CMIP: variants seen among roughly 807,000 people sequenced by gnomAD.
CMIP encodes the protein c-Maf inducing protein.
A neutral mutation model predicts 97.3 loss-of-function variants in CMIP; 13 were observed. That is an observed-to-expected ratio of 0.13 (90% confidence interval 0.09 to 0.21). CMIP has a LOEUF of 0.21. Ranked by LOEUF, CMIP falls within the 10% of genes least tolerant of loss-of-function variation. The probability of loss-of-function intolerance (pLI) is 1.00; values close to 1 mark genes in which losing one functional copy is unlikely to be tolerated. For synonymous variants in CMIP, 538 were observed against 436.3 expected (o/e 1.23, Z -2.91); for missense variants, 847 against 1,024.9 (o/e 0.83, Z 2.37).
Position 81,445,208 on chromosome 16 carries a change from C to G in CMIP, c.-34C>G. 1 of 1,432,498 alleles carries G rather than the reference C, an allele frequency of 7.0e-7. No individual in the cohort carries two copies. The highest frequency in any genetic ancestry group is 9.3e-7 in the Non-Finnish European group (1 of 1,080,286). 88.7% of individuals were successfully genotyped at this position (1,432,498 alleles called of 1,614,324 possible). A position where few individuals can be genotyped will look rare whatever the true frequency, so the allele number is the denominator to read the frequency against. ...CCCCAGCAGCCCAGGACAGCCCCCT[C>G]TCCCCGCCCCCAGCCCCCTCCCCCG... On this transcript the variant is annotated 5_prime_UTR_variant, in exon 1 of 21. Coordinates refer to ENST00000537098, the MANE Select transcript of CMIP (RefSeq NM_198390.3).
chr16:81,704,994 T>A (rs1443887839), intron 18 of CMIP, among the ~76,000 whole-genome samples: 1 of 152,008 alleles, frequency 6.6e-6, no homozygotes, highest in African/African-American at 2.4e-5. Context: ...GTAACACCAG[T>A]GGCTGCTGAG....
At chr16:81,464,928 A>G (rs913894966) in intron 1 of CMIP, 5 of 152,224 alleles carry the variant, frequency 3.3e-5, no homozygotes, top group African/African-American at 1.2e-4. Context: ...CATTGACTGG[A>G]TAGACCACAT....
intron 1 of CMIP, among the ~76,000 whole-genome samples, chr16:81,457,376 A>G (rs1567525371): frequency 6.6e-6 from 1 of 152,092 alleles, no homozygotes; most frequent in Non-Finnish European, 1.5e-5. Context: ...TACAAAATCA[A>G]GAAGAAAAAA....
At chr16:81,506,536 A>G (rs1054735258) in intron 1 of CMIP, among the ~76,000 whole-genome samples, 4 of 152,392 alleles carry the variant, frequency 2.6e-5, no homozygotes, top group Admixed American at 6.5e-5. Context: ...TAATGGAAAT[A>G]ACAATCAGTA....
At chr16:81,553,882 CT>C (rs1160262836) in intron 1 of CMIP, among the ~76,000 whole-genome samples, 4 of 152,360 alleles carry the variant, frequency 2.6e-5, no homozygotes, top group African/African-American at 7.2e-5. Flanking sequence ...CGTGGCCCCC[CT>C]GGCCCTTTTA....
intron 1 of CMIP, among the ~76,000 whole-genome samples, chr16:81,606,392 G>A (rs1017903383): frequency 2.6e-5 from 4 of 152,186 alleles, no homozygotes; most frequent in Non-Finnish European, 4.4e-5. Flanking sequence ...CAGCTGTGCT[G>A]CACTCACCTG....
At position 81,709,898 on chromosome 16, in the gene CMIP, C is replaced by G. The variant is rs1276301043; in HGVS notation, c.*99C>G. The G allele has an allele frequency of 1.1e-6, 1 of 941,318 alleles. No individual in the cohort carries two copies. Among genetic ancestry groups the G allele is most frequent in the African/African-American group, 1.8e-5 (1 of 56,424 alleles). The allele number at this position is 941,318 out of a possible 1,614,324, so 58.3% of individuals were successfully genotyped here. ...CGGTCCTGGGGTCCCACCCTGGTGCCCTGGCTGTGAGATAGATGGGGAGTC... is the reference window on the plus strand; with the variant it reads ...CGGTCCTGGGGTCCCACCCTGGTGCGCTGGCTGTGAGATAGATGGGGAGTC... On this transcript the variant is annotated 3_prime_UTR_variant, in exon 21 of 21. Transcript: ENST00000537098.
intron 1 of CMIP, among the ~76,000 whole-genome samples, chr16:81,516,788 C>T (rs930216700): frequency 6.6e-6 from 1 of 152,232 alleles, no homozygotes; most frequent in Non-Finnish European, 1.5e-5. Flanking sequence ...CATCTGTCCT[C>T]AGGAAATTCT....
At chr16:81,532,880 C>G (rs1192095566) in intron 1 of CMIP, among the ~76,000 whole-genome samples, 1 of 152,224 alleles carries the variant, frequency 6.6e-6, no homozygotes, top group Non-Finnish European at 1.5e-5. Context: ...AAGTGAAAGC[C>G]TCCCTCCCTT....
chr16:81,592,632 C>T (rs12447774), intron 1 of CMIP, among the ~76,000 whole-genome samples: 78,103 of 151,840 alleles, frequency 0.51, 23,141 homozygotes, highest in South Asian at 0.69. Flanking sequence ...AGAAGCAAGG[C>T]AGGACTCAAA....
chr16:81,704,719 CT>C (rs1907928258), intron 18 of CMIP, among the ~76,000 whole-genome samples: 1 of 128,784 alleles, frequency 7.8e-6, no homozygotes. Flanking sequence ...TCCCTGCCCC[CT>C]CACCCTCCTC....
At chr16:81,521,817 G>A (rs1396256298) in intron 1 of CMIP, among the ~76,000 whole-genome samples, 1 of 152,130 alleles carries the variant, frequency 6.6e-6, no homozygotes, top group East Asian at 1.9e-4. Flanking sequence ...TTCTACAATT[G>A]GGAGTTGGCC....
At chr16:81,501,650 C>T (rs879301890) in intron 1 of CMIP, among the ~76,000 whole-genome samples, 10 of 147,808 alleles carry the variant, frequency 6.8e-5, no homozygotes, top group East Asian at 2.0e-4. Flanking sequence ...CTCGCTCTGT[C>T]GCCCAGGCTG....
chr16:81,553,493 CA>C (rs1567575353), intron 1 of CMIP, among the ~76,000 whole-genome samples: 1 of 142,412 alleles, frequency 7.0e-6, no homozygotes, highest in Non-Finnish European at 1.6e-5. Context: ...TGATGAAGAG[CA>C]TATATTCCAA....
chr16:81,512,465 A>C (rs2150792785), intron 1 of CMIP, among the ~76,000 whole-genome samples: 1 of 152,228 alleles, frequency 6.6e-6, no homozygotes, highest in Admixed American at 6.5e-5. Flanking sequence ...TTTTAGCTCT[A>C]CCTTTCCTTC....
Position 81,643,785 on chromosome 16 carries a change from A to ATAAG in CMIP, c.478-8410_478-8407dup, listed in dbSNP as rs1214349057. 6.0e-5 allele frequency among the ~76,000 whole-genome samples: 9 copies of ATAAG among 149,640 alleles called. No individual in the cohort carries two copies. The South Asian group carries it at 6.6e-4, about 11-fold the overall frequency. ...GGTGACAGAGCGAGACTCTGTCTCA[A>ATAAG]TAAGTAAGTAAATAAATAAATAAAT... On this transcript the variant is annotated intron_variant, in intron 3 of 20. Transcript: ENST00000537098.
At chr16:81,702,502 T>C in intron 16 of CMIP, 120 bp from the exon 17 acceptor site, 1 of 1,011,606 alleles carries the variant, frequency 9.9e-7, no homozygotes, top group Non-Finnish European at 1.5e-6. Flanking sequence ...AAGACCACCG[T>C]GTTGCCTTGT....
intron 1 of CMIP, among the ~76,000 whole-genome samples, chr16:81,502,618 G>A (rs2150780267): frequency 6.6e-6 from 1 of 152,348 alleles, no homozygotes; most frequent in South Asian, 2.1e-4. Context: ...AAAGAAGACA[G>A]CCAGCAGGCT....
At chr16:81,664,145 C>G in intron 6 of CMIP, 124 bp from the exon 7 acceptor site, 1 of 775,264 alleles carries the variant, frequency 1.3e-6, no homozygotes, top group Non-Finnish European at 2.0e-6. Context: ...GCAGTGCAGC[C>G]GTGTTCATCA....
Sources: allele counts gnomAD v4.1 joint callset (sites outside exome capture counted in the v4.1 genomes callset), GRCh38; gene constraint gnomAD v4.1.1; transcripts MANE v1.5; gene names NCBI Gene and HGNC (gene_info 2026-07-23, HGNC 2026-07-21).